Variants in SDHB observed in about 807,000 individuals in gnomAD.
The protein encoded by SDHB is succinate dehydrogenase [ubiquinone] iron-sulfur subunit, mitochondrial.
A neutral mutation model predicts 39.7 loss-of-function variants in SDHB; 21 were observed. The observed-to-expected ratio is 0.53, with a 90% CI of 0.37 to 0.76. SDHB has a LOEUF of 0.76. Among genes scored for constraint, SDHB ranks in the 30% least tolerant of loss-of-function variants. SDHB has a pLI of 0.00. For missense variants in SDHB, 343 were observed against 350.9 expected, an observed-to-expected ratio of 0.98 and a Z score of 0.18; for synonymous variants, 118 against 117.0, an observed-to-expected ratio of 1.01 and a Z score of -0.06.
At chr1:17,053,848 G>A in intron 1 of SDHB, 100 bp downstream of exon 1, 1 of 851,204 alleles carries the variant, frequency 1.2e-6, no homozygotes. Context: ...TCTCCCTGAG[G>A]CCTTGCCCTA....
chr1:17,041,661 CAAAAT>C (rs574824789), intron 2 of SDHB, among the ~76,000 whole-genome samples: 51 of 150,582 alleles, frequency 3.4e-4, no homozygotes, highest in Non-Finnish European at 6.6e-4. Flanking sequence ...AACTCAGACT[CAAAAT>C]AAAAAAATAA....
chr1:17,019,751 T>C (rs1327785823), intron 7 of SDHB, among the ~76,000 whole-genome samples: 1 of 152,164 alleles, frequency 6.6e-6, no homozygotes, highest in Non-Finnish European at 1.5e-5. Context: ...AGAAAAAATA[T>C]ATATTTTTTT....
At chr1:17,045,320 G>A (rs539282925) in intron 1 of SDHB, 1 of 242,418 alleles carries the variant, frequency 4.1e-6, no homozygotes, top group Non-Finnish European at 8.3e-6. Context: ...AGGGGAAGGA[G>A]TGTGGGGTGT....
rs755165739 is a variant in SDHB, at chr1:17,033,196, C to T, written c.201-51G>A. On this transcript the variant is annotated intron_variant, in intron 2 of 7. Transcript: ENST00000375499. ...ATTTATGTAACGTTCAACCTCCCTA[C>T]ACTTTATCATAATATAATCGGAGAC... The T allele has an allele frequency of 9.1e-6, 12 of 1,324,718 alleles. No individual in the cohort carries two copies. In the East Asian group the frequency reaches 2.3e-4, roughly 25 times the overall value. 82.1% of individuals were successfully genotyped at this position (1,324,718 alleles called of 1,614,324 possible).
At chr1:17,048,366 A>T (rs2078125199) in intron 1 of SDHB, among the ~76,000 whole-genome samples, 1 of 152,198 alleles carries the variant, frequency 6.6e-6, no homozygotes, top group Admixed American at 6.5e-5. Flanking sequence ...ATCATGTACC[A>T]CAATTTGCTT....
chr1:17,020,170 G>A (rs920248580), intron 7 of SDHB, among the ~76,000 whole-genome samples: 2 of 152,176 alleles, frequency 1.3e-5, no homozygotes, highest in African/African-American at 4.8e-5. Context: ...TTCTGAATCT[G>A]GATCTACCTG....
chr1:17,042,957 T>G (rs956800091), intron 2 of SDHB, among the ~76,000 whole-genome samples: 2 of 86,522 alleles, frequency 2.3e-5, no homozygotes, highest in Non-Finnish European at 4.7e-5. Flanking sequence ...TTTATGAGTT[T>G]TTTTTTTTTT....
intron 1 of SDHB, among the ~76,000 whole-genome samples, chr1:17,050,584 G>A (rs982353888): frequency 7.9e-5 from 12 of 151,672 alleles, no homozygotes; most frequent in African/African-American, 1.7e-4. Flanking sequence ...TCCGGGAGGC[G>A]GAGGGTACGG....
chr1:17,020,958 C>T (rs894187225), intron 7 of SDHB, among the ~76,000 whole-genome samples: 4 of 152,176 alleles, frequency 2.6e-5, no homozygotes, highest in South Asian at 4.1e-4. Context: ...TCTTTTTTTA[C>T]GGCTAACTGG....
intron 4 of SDHB, 47 bp from the exon 5 acceptor site, chr1:17,027,912 A>G: frequency 8.6e-7 from 1 of 1,161,502 alleles, no homozygotes; most frequent in East Asian, 2.3e-5. Context: ...AAAGGATCAG[A>G]TTCCATCATC....
chr1:17,046,804 G>A (rs910330230), intron 1 of SDHB, among the ~76,000 whole-genome samples: 4 of 152,008 alleles, frequency 2.6e-5, no homozygotes, highest in Middle Eastern at 3.2e-3. Flanking sequence ...CACAACCTCC[G>A]CCTCCCCGGT....
intron 3 of SDHB, among the ~76,000 whole-genome samples, chr1:17,031,900 T>C (rs1316896106): frequency 2.6e-5 from 4 of 152,176 alleles, no homozygotes; most frequent in Non-Finnish European, 5.9e-5. Context: ...AGTCACTCTC[T>C]ATGTGTCCTT....
intron 1 of SDHB, among the ~76,000 whole-genome samples, chr1:17,050,835 C>T (rs557282676): frequency 3.3e-5 from 5 of 152,162 alleles, no homozygotes; most frequent in Non-Finnish European, 5.9e-5. Context: ...ATCTGTGTTC[C>T]ACCAAAAAAT....
At chr1:17,030,622 C>T (rs2078017189) in intron 3 of SDHB, among the ~76,000 whole-genome samples, 1 of 151,858 alleles carries the variant, frequency 6.6e-6, no homozygotes, top group African/African-American at 2.4e-5. Flanking sequence ...TCCTCTGAAG[C>T]TGTTTTTTGA....
intron 3 of SDHB, chr1:17,032,732 C>G (rs907042707): frequency 2.6e-6 from 1 of 391,660 alleles, no homozygotes; most frequent in Non-Finnish European, 4.8e-6. Flanking sequence ...CTCTCCACTG[C>G]TCCCTTAATA....
At chr1:17,022,514 A>C in intron 7 of SDHB, 94 bp downstream of exon 7, 1 of 1,508,524 alleles carries the variant, frequency 6.6e-7, no homozygotes, top group South Asian at 1.1e-5. Context: ...TCAAATGACT[A>C]GGGTTGCTCT....
At chr1:17,037,285 C>G (rs1160581786) in intron 2 of SDHB, among the ~76,000 whole-genome samples, 2 of 151,256 alleles carry the variant, frequency 1.3e-5, no homozygotes, top group Non-Finnish European at 2.9e-5. Context: ...TCCTAGGGGG[C>G]AATGTCTTAT....
chr1:17,053,262 C>A (rs1200321033), intron 1 of SDHB, among the ~76,000 whole-genome samples: 1 of 152,184 alleles, frequency 6.6e-6, no homozygotes, highest in Non-Finnish European at 1.5e-5. Context: ...CTCTACCTGT[C>A]ATTCCATGTC....
At position 17,049,209 on chromosome 1, in the gene SDHB, T is replaced by C. The variant is rs116489447; in HGVS notation, c.73-4321A>G. Among the ~76,000 whole-genome samples, 241 of 152,276 alleles carry C rather than the reference T, an allele frequency of 1.6e-3. 1 individual carries two copies. The highest frequency in any genetic ancestry group is 3.4e-3 in the Middle Eastern group (1 of 294). On this transcript the variant is annotated intron_variant, in intron 1 of 7. Transcript: ENST00000375499. Reference sequence around the variant, plus strand: ...TCTTGCCATGTTGGCTAAGCTGGTATGGAATTTCTGGGCTTAAGCAATCCT... The same window carrying C: ...TCTTGCCATGTTGGCTAAGCTGGTACGGAATTTCTGGGCTTAAGCAATCCT...
Sources: allele counts gnomAD v4.1 joint callset (sites outside exome capture counted in the v4.1 genomes callset), GRCh38; gene constraint gnomAD v4.1.1; transcripts MANE v1.5; gene names NCBI Gene and HGNC (gene_info 2026-07-23, HGNC 2026-07-21).